The following CFLAR variants were observed in gnomAD, a reference collection of about 807,000 sequenced individuals.
CFLAR encodes CASP8 and FADD like apoptosis regulator.
Under a neutral mutation model 51.1 loss-of-function variants are expected in CFLAR, and 14 were observed. The ratio of observed to expected loss-of-function variants is 0.27; its 90% CI spans 0.18 to 0.43. The LOEUF is 0.43. CFLAR is among the 20% of genes least tolerant of loss of function. The probability of loss-of-function intolerance (pLI) is 1.00; values close to 1 mark genes in which losing one functional copy is unlikely to be tolerated. For missense variants in CFLAR, 390 were observed against 566.5 expected, an observed-to-expected ratio of 0.69 and a Z score of 3.16; for synonymous variants, 210 against 211.6, an observed-to-expected ratio of 0.99 and a Z score of 0.06.
chr2:201,130,204 C>G, intron 2 of CFLAR, 58 bp downstream of exon 2: 1 of 1,420,328 alleles, frequency 7.0e-7, no homozygotes, highest in Non-Finnish European at 9.4e-7. Flanking sequence ...GTGTCTCAGA[C>G]TCTACTGAAT....
At position 201,130,004 on chromosome 2, in the gene CFLAR, A is replaced by C. The variant is rs1411397072; in HGVS notation, c.139A>C (p.Arg47=). Residue 47 remains arginine, a synonymous_variant, in exon 2 of 10, where the codon AGA becomes CGA. Coordinates refer to ENST00000309955, the MANE Select transcript of CFLAR (RefSeq NM_003879.7). ...GGACCTTCTGGATATTTTACGGGAA[A>C]GAGGTAAGCTGTCTGTCGGGGACTT... is the stretch of plus-strand genomic sequence containing the variant. ...VRDLLDILRE[R]GKLSVGDLAE... The C allele has an allele frequency of 1.2e-6, 2 of 1,614,072 alleles. No individual in the cohort carries two copies. The highest frequency in any genetic ancestry group is 4.5e-5 in the East Asian group (2 of 44,886).
rs781037205 is a variant in CFLAR at position 201,149,019 on chromosome 2, A to G, written c.678A>G (p.Lys226=). The G allele has an allele frequency of 1.9e-6, 3 of 1,612,722 alleles. No homozygotes were observed. Among genetic ancestry groups the G allele is most frequent in the South Asian group, 1.1e-5 (1 of 91,074 alleles). ...QLGAQQEPVK[K]SIQESEAFLP... ...ATCCCCCAGAAGAACCAGTGAAGAAATCCATTCAGGAATCAGAAGCTTTTT... is the reference window on the plus strand; with the variant it reads ...ATCCCCCAGAAGAACCAGTGAAGAAGTCCATTCAGGAATCAGAAGCTTTTT... The change falls in exon 7 of 10, where the codon AAA becomes AAG. Residue 226 remains lysine (K), a synonymous_variant. Coordinates refer to ENST00000309955, the MANE Select transcript of CFLAR (RefSeq NM_003879.7).
intron 9 of CFLAR, chr2:201,163,464 C>A: frequency 9.0e-7 from 1 of 1,117,278 alleles, no homozygotes; most frequent in Non-Finnish European, 1.1e-6. Flanking sequence ...ACCTGGCCTC[C>A]TTAGTGGTGG....
At chr2:201,155,520 T>C (rs528978736) in intron 8 of CFLAR, among the ~76,000 whole-genome samples, 1 of 152,154 alleles carries the variant, frequency 6.6e-6, no homozygotes, top group Non-Finnish European at 1.5e-5. Context: ...CGCCTCGGCC[T>C]CCCAAAGTGC....
intron 8 of CFLAR, among the ~76,000 whole-genome samples, chr2:201,159,066 C>T (rs993462413): frequency 1.3e-5 from 2 of 151,544 alleles, no homozygotes; most frequent in South Asian, 4.2e-4. Context: ...TTAGTAGAGA[C>T]GGGGTTTCAC....
intron 9 of CFLAR, chr2:201,163,314 T>G: frequency 8.0e-7 from 1 of 1,243,524 alleles, no homozygotes; most frequent in Non-Finnish European, 1.0e-6. Flanking sequence ...GAAGCCACAA[T>G]GTACCTCAAG....
At chr2:201,119,146 G>A (rs2047915673) in intron 1 of CFLAR, 1 of 152,268 alleles carries the variant, frequency 6.6e-6, no homozygotes, top group Non-Finnish European at 1.5e-5. Flanking sequence ...TCCCTGTAGA[G>A]CCCCAGGGGC....
At chr2:201,127,592 C>T (rs924964377) in intron 1 of CFLAR, among the ~76,000 whole-genome samples, 1 of 152,154 alleles carries the variant, frequency 6.6e-6, no homozygotes, top group Non-Finnish European at 1.5e-5. Context: ...ATTATTCGGA[C>T]CCCAGCCCTA....
chr2:201,163,692 A>C, intron 9 of CFLAR, 143 bp from the exon 10 acceptor site: 3 of 1,448,462 alleles, frequency 2.1e-6, no homozygotes, highest in South Asian at 1.5e-5. Context: ...GTTAGTTTGG[A>C]TCATTTGCTA....
Position 201,164,938 on chromosome 2 carries a change from G to A in CFLAR, c.*965G>A, listed in dbSNP as rs1305093321. On this transcript the variant is annotated 3_prime_UTR_variant, in exon 10 of 10. Coordinates refer to ENST00000309955, the MANE Select transcript of CFLAR (RefSeq NM_003879.7). ...ATGTTCTCACATGGCAGAAAAAGAG[G>A]ATGCAAACTCTCAAGTATATCTTTA... 6.6e-6 allele frequency: 1 copy of A among 152,104 alleles called. No homozygotes were observed. Among genetic ancestry groups the A allele is most frequent in the Non-Finnish European group, 1.5e-5 (1 of 68,030 alleles). 9.4% of individuals were successfully genotyped at this position (152,104 alleles called of 1,614,324 possible).
Position 201,166,616 on chromosome 2 carries a change from G to A in CFLAR, c.*2643G>A, listed in dbSNP as rs1382522460. 3.3e-5 allele frequency: 6 copies of A among 179,508 alleles called. No homozygotes were observed. The highest frequency in any genetic ancestry group is 5.8e-5 in the Non-Finnish European group (5 of 86,328). 11.1% of individuals were successfully genotyped at this position (179,508 alleles called of 1,614,324 possible). On this transcript the variant is annotated 3_prime_UTR_variant, in exon 10 of 10. Coordinates refer to ENST00000309955, the MANE Select transcript of CFLAR (RefSeq NM_003879.7). ...GGCACCCTGGGGGGCCAAGGCAGGCGGCTGGGAGGCGGAGGCCGTAGCCAG... is the reference window on the plus strand; with the variant it reads ...GGCACCCTGGGGGGCCAAGGCAGGCAGCTGGGAGGCGGAGGCCGTAGCCAG...
At chr2:201,134,665 A>G (rs2049853570) in intron 3 of CFLAR, among the ~76,000 whole-genome samples, 1 of 150,790 alleles carries the variant, frequency 6.6e-6, no homozygotes, top group South Asian at 2.1e-4. Context: ...ATAAAATAAA[A>G]TAAAATAAAA....
At chr2:201,162,919 G>C in intron 9 of CFLAR, 2 of 672,350 alleles carry the variant, frequency 3.0e-6, no homozygotes, top group South Asian at 3.1e-5. Flanking sequence ...TTGTTGCACA[G>C]TGTTTGCTTT....
chr2:201,141,491 A>T, intron 5 of CFLAR: 1 of 1,530,586 alleles, frequency 6.5e-7, no homozygotes, highest in South Asian at 1.2e-5. Flanking sequence ...TTCATTTTCT[A>T]AATGTGTTAT....
chr2:201,166,609 G>T lies in CFLAR; in HGVS notation c.*2636G>T. ...TAATCTCGGCACCCTGGGGGGCCAAGGCAGGCGGCTGGGAGGCGGAGGCCG... is the reference window on the plus strand; with the variant it reads ...TAATCTCGGCACCCTGGGGGGCCAATGCAGGCGGCTGGGAGGCGGAGGCCG... On this transcript the variant is annotated 3_prime_UTR_variant, in exon 10 of 10. Coordinates refer to ENST00000309955, the MANE Select transcript of CFLAR (RefSeq NM_003879.7). 5.6e-6 allele frequency: 1 copy of T among 179,676 alleles called. No homozygotes were observed. The highest frequency in any genetic ancestry group is 1.2e-5 in the Non-Finnish European group (1 of 86,440). The allele number at this position is 179,676 out of a possible 1,614,324, so 11.1% of individuals were successfully genotyped here. A position where few individuals can be genotyped will look rare whatever the true frequency, so the allele number is the denominator to read the frequency against.
At chr2:201,155,728 A>G (rs1373368604) in intron 8 of CFLAR, among the ~76,000 whole-genome samples, 3 of 151,752 alleles carry the variant, frequency 2.0e-5, no homozygotes, top group Non-Finnish European at 4.4e-5. Flanking sequence ...GGCTCAAGCA[A>G]TCCTCTCACC....
chr2:201,160,599 G>A lies in CFLAR; in HGVS notation c.961G>A (p.Val321Met), dbSNP rs1261567490. ...GGTGAGCCGAGGAGGCTCCCAGAGT[G>A]TGTATGGTGTGGATCAGACTCACTC... is the stretch of plus-strand genomic sequence containing the variant. ...VLVSRGGSQSVYGVDQTHSGL... is the reference protein window; with the variant it reads ...VLVSRGGSQSMYGVDQTHSGL... Residue 321 changes from valine (V) to methionine (M), a missense_variant, in exon 9 of 10, where the codon GTG becomes ATG. Coordinates refer to ENST00000309955, the MANE Select transcript of CFLAR (RefSeq NM_003879.7). 2 of 1,613,928 alleles carry A rather than the reference G, an allele frequency of 1.2e-6. No homozygotes were observed. Among genetic ancestry groups the A allele is most frequent in the African/African-American group, 1.3e-5 (1 of 74,868 alleles).
In CFLAR at chr2:201,135,635, AT is replaced by A. The variant is rs528965856; in HGVS notation, c.388-325del. On this transcript the variant is annotated intron_variant, in intron 3 of 9. Coordinates refer to ENST00000309955, the MANE Select transcript of CFLAR (RefSeq NM_003879.7). ...CATTTGGGGCTTATTAGTCAGCTCT[AT>A]TTTTTTTTTTTGAGACAGGGTCTCG... is the stretch of plus-strand genomic sequence containing the variant. Among the ~76,000 whole-genome samples the A allele has an allele frequency of 1.5e-3, 222 of 145,352 alleles. 1 individual carries two copies. In the South Asian group the frequency reaches 0.028, roughly 18 times the overall value.
At chr2:201,134,979 T>C (rs2049906975) in intron 3 of CFLAR, among the ~76,000 whole-genome samples, 1 of 152,208 alleles carries the variant, frequency 6.6e-6, no homozygotes. Flanking sequence ...CAGCCATTTA[T>C]ATATATCTAA....
Sources: gnomAD v4.1 joint callset for allele counts (sites outside exome capture counted in the v4.1 genomes callset) on GRCh38, gnomAD v4.1.1 for gene constraint, MANE v1.5 for transcripts, NCBI Gene and HGNC (gene_info 2026-07-23, HGNC 2026-07-21) for gene names.